The following MAF variants were observed in gnomAD, a reference collection of about 807,000 sequenced individuals.
The protein encoded by MAF is MAF bZIP transcription factor.
In MAF, 10 loss-of-function variants were observed where a neutral mutation model predicts 22.0. The ratio of observed to expected loss-of-function variants is 0.45; its 90% CI spans 0.28 to 0.77. The LOEUF (loss-of-function observed/expected upper bound fraction) is 0.77, where lower values mean the gene tolerates loss of function less well. MAF is among the 30% of genes least tolerant of loss of function. MAF has a pLI of 0.12. For synonymous variants in MAF, 337 were observed against 255.8 expected, an observed-to-expected ratio of 1.32 and a Z score of -3.03; for missense variants, 544 against 548.4, an observed-to-expected ratio of 0.99 and a Z score of 0.08.
chr16:79,451,066 T>C, the MAF span, among the ~76,000 whole-genome samples: 205 of 152,264 alleles, frequency 1.3e-3, 1 homozygote, highest in African/African-American at 4.8e-3. Flanking sequence ...AAAATGTGTC[T>C]TTTTATTGTA....
chr16:79,398,056 C>T, the MAF span, among the ~76,000 whole-genome samples: 53 of 152,310 alleles, frequency 3.5e-4, no homozygotes, highest in African/African-American at 1.2e-3. Context: ...GTTTCAGGTT[C>T]GCATTCCTTC....
chr16:79,424,600 G>T, the MAF span, among the ~76,000 whole-genome samples: 3 of 152,136 alleles, frequency 2.0e-5, no homozygotes, highest in Admixed American at 6.5e-5. Context: ...ATGTTTCTGT[G>T]AGCCCCTGAA....
chr16:79,578,583 G>T, the MAF span, among the ~76,000 whole-genome samples: 1 of 151,700 alleles, frequency 6.6e-6, no homozygotes, highest in Non-Finnish European at 1.5e-5. Flanking sequence ...TATAAAATGA[G>T]AAAACTACAA....
the MAF span, among the ~76,000 whole-genome samples, chr16:79,324,605 G>C: frequency 6.6e-6 from 1 of 152,054 alleles, no homozygotes. Flanking sequence ...CTAAGTAATT[G>C]AGTCGAAAAC....
chr16:79,428,345 G>A, the MAF span, among the ~76,000 whole-genome samples: 4 of 152,142 alleles, frequency 2.6e-5, no homozygotes, highest in Non-Finnish European at 5.9e-5. Context: ...ACACACTGAT[G>A]TTTAGGTCCC....
chr16:79,561,254 T>C, the MAF span, among the ~76,000 whole-genome samples: 22 of 152,234 alleles, frequency 1.4e-4, no homozygotes, highest in African/African-American at 5.1e-4. Context: ...CATTTTTTTT[T>C]CCTAGATGTC....
At chr16:79,589,684 C>G (rs975430630), downstream of MAF, among the ~76,000 whole-genome samples, 12 of 152,184 alleles carry the variant, frequency 7.9e-5, 1 homozygote, top group Non-Finnish European at 1.6e-4. Context: ...GCCCGCCCAC[C>G]CAGGAGAGCG....
At chr16:79,436,220 C>G in the MAF span, among the ~76,000 whole-genome samples, 1 of 152,108 alleles carries the variant, frequency 6.6e-6, no homozygotes, top group Non-Finnish European at 1.5e-5. Flanking sequence ...CCAGCTGGGA[C>G]TACAGGTGCT....
the MAF span, among the ~76,000 whole-genome samples, chr16:79,452,142 G>C: frequency 6.6e-6 from 1 of 152,182 alleles, no homozygotes; most frequent in Non-Finnish European, 1.5e-5. Context: ...AGACAGTGTG[G>C]CCTGCAAAGC....
At chr16:79,370,613 T>A in the MAF span, among the ~76,000 whole-genome samples, 1 of 152,166 alleles carries the variant, frequency 6.6e-6, no homozygotes, top group Non-Finnish European at 1.5e-5. Context: ...GATCCTAGGG[T>A]ACAGAGGGAT....
the MAF span, among the ~76,000 whole-genome samples, chr16:79,343,756 C>G: frequency 6.6e-6 from 1 of 152,148 alleles, no homozygotes; most frequent in Non-Finnish European, 1.5e-5. Flanking sequence ...CTGCTACAAA[C>G]AGGATGGCAG....
chr16:79,390,277 T>A, the MAF span, among the ~76,000 whole-genome samples: 8 of 152,054 alleles, frequency 5.3e-5, no homozygotes, highest in African/African-American at 1.7e-4. Flanking sequence ...TGTCTGTGGA[T>A]TATTATTATT....
At chr16:79,334,394 G>A in the MAF span, among the ~76,000 whole-genome samples, 1 of 152,166 alleles carries the variant, frequency 6.6e-6, no homozygotes, top group East Asian at 1.9e-4. Flanking sequence ...AGGCCAGGGA[G>A]GGTGACAGAA....
the MAF span, among the ~76,000 whole-genome samples, chr16:79,563,711 T>C: frequency 1.3e-5 from 2 of 152,044 alleles, no homozygotes; most frequent in Admixed American, 6.6e-5. Flanking sequence ...TGGACAGCTA[T>C]AGATGTCTTA....
At chr16:79,532,677 C>G in the MAF span, among the ~76,000 whole-genome samples, 1 of 152,090 alleles carries the variant, frequency 6.6e-6, no homozygotes, top group Admixed American at 6.5e-5. Context: ...ATGAAATATG[C>G]GTCATAAAGC....
the MAF span, among the ~76,000 whole-genome samples, chr16:79,549,898 T>C: frequency 3.9e-5 from 6 of 152,190 alleles, no homozygotes; most frequent in Admixed American, 6.5e-5. Flanking sequence ...TAAAAATGAC[T>C]GGAAAGCAGA....
the MAF span, among the ~76,000 whole-genome samples, chr16:79,273,771 G>A: frequency 6.6e-6 from 1 of 152,184 alleles, no homozygotes; most frequent in Admixed American, 6.5e-5. Context: ...TTTAACGTCA[G>A]CTGATTAGCA....
intron 1 of MAF, chr16:79,595,332 A>G: frequency 1.9e-6 from 2 of 1,051,058 alleles, no homozygotes; most frequent in Non-Finnish European, 2.3e-6. Flanking sequence ...AGGCCAGATG[A>G]TAAACTGGCC....
At chr16:79,266,567 G>A in the MAF span, among the ~76,000 whole-genome samples, 1 of 152,156 alleles carries the variant, frequency 6.6e-6, no homozygotes, top group Non-Finnish European at 1.5e-5. Flanking sequence ...TCTGGAAATA[G>A]CCATATGCAT....
Sources: allele counts gnomAD v4.1 joint callset (sites outside exome capture counted in the v4.1 genomes callset), GRCh38; gene constraint gnomAD v4.1.1; transcripts MANE v1.5; gene names NCBI Gene and HGNC (gene_info 2026-07-23, HGNC 2026-07-21).